The following MYLK variants were observed in gnomAD, a reference collection of about 807,000 sequenced individuals.
MYLK encodes the protein myosin light chain kinase, smooth muscle.
Under a neutral mutation model 203.4 loss-of-function variants are expected in MYLK, and 106 were observed. The ratio of observed to expected loss-of-function variants is 0.52; its 90% CI spans 0.45 to 0.61. The LOEUF is 0.61. Ranked by LOEUF, MYLK falls within the 20% of genes least tolerant of loss-of-function variation. The probability of loss-of-function intolerance (pLI) is 0.00; values close to 1 mark genes in which losing one functional copy is unlikely to be tolerated. For synonymous variants in MYLK, 867 were observed against 959.5 expected (o/e 0.90, Z 1.78); for missense variants, 2,072 against 2,442.3 (o/e 0.85, Z 3.20).
chr3:123,884,282 G>T lies in MYLK; in HGVS notation c.-262C>A, dbSNP rs1279810330. The T allele has an allele frequency of 6.8e-6, 1 of 148,026 alleles. No individual in the cohort carries two copies. Among genetic ancestry groups the T allele is most frequent in the Non-Finnish European group, 1.5e-5 (1 of 66,582 alleles). 9.2% of individuals were successfully genotyped at this position (148,026 alleles called of 1,614,324 possible). On this transcript the variant is annotated 5_prime_UTR_variant, in exon 1 of 34. Transcript: ENST00000360304. The stretch of plus-strand genomic sequence containing the variant: ...CCCCGGCCGCAGGCGCACAGCGCGG[G>T]CTCCGAGCTCGCTCAGCGCCCTGCT...
chr3:123,649,259 C>T, intron 24 of MYLK, 65 bp from the exon 25 acceptor site: 1 of 1,605,008 alleles, frequency 6.2e-7, no homozygotes, highest in Non-Finnish European at 8.5e-7. Context: ...CCACTGAGAG[C>T]AAGATGTGCT....
At chr3:123,705,736 C>T (rs1303434145) in intron 16 of MYLK, among the ~76,000 whole-genome samples, 1 of 152,144 alleles carries the variant, frequency 6.6e-6, no homozygotes, top group Non-Finnish European at 1.5e-5. Context: ...TCTGCCCCCA[C>T]CCCACCCTTT....
At position 123,752,415 on chromosome 3, in the gene MYLK, G is replaced by A. The variant is rs111422191; in HGVS notation, c.289C>T (p.His97Tyr). The A allele has an allele frequency of 1.2e-6, 2 of 1,614,180 alleles. No individual in the cohort carries two copies. Among genetic ancestry groups the A allele is most frequent in the Non-Finnish European group, 1.7e-6 (2 of 1,180,038 alleles). ...GTATACTTTCCCCTGTCCTCCTCAT[G>A]GACAGCATGAATCACAAGGCTGAAA... The part of the protein sequence containing the change: ...GTFSLVIHAV[H>Y]EEDRGKYTCE... Residue 97 changes from histidine (H) to tyrosine (Y), a missense_variant, in exon 5 of 34, where the codon CAT (histidine) becomes TAT (tyrosine). Coordinates refer to ENST00000360304, the MANE Select transcript of MYLK (RefSeq NM_053025.4).
intron 4 of MYLK, among the ~76,000 whole-genome samples, chr3:123,753,111 G>C (rs1280041022): frequency 6.6e-6 from 1 of 152,196 alleles, no homozygotes; most frequent in Middle Eastern, 3.2e-3. Flanking sequence ...ACTGGCCACA[G>C]GTAGCGATGG....
intron 13 of MYLK, among the ~76,000 whole-genome samples, chr3:123,712,929 A>G (rs1234977585): frequency 2.0e-5 from 3 of 152,266 alleles, no homozygotes; most frequent in African/African-American, 4.8e-5. Context: ...TGGGTTTATC[A>G]GCAGTCAAAG....
intron 16 of MYLK, among the ~76,000 whole-genome samples, chr3:123,704,578 T>C (rs1335035921): frequency 6.6e-6 from 1 of 152,098 alleles, no homozygotes; most frequent in East Asian, 1.9e-4. Flanking sequence ...ATCTACCTCT[T>C]GGATGGGTTC....
At chr3:123,639,612 G>C (rs545717786) in intron 28 of MYLK, among the ~76,000 whole-genome samples, 1 of 152,170 alleles carries the variant, frequency 6.6e-6, no homozygotes. Flanking sequence ...AGTGCTTTCA[G>C]GGCGGCCTTG....
chr3:123,827,400 T>C (rs1448277671), intron 3 of MYLK, among the ~76,000 whole-genome samples: 1 of 151,546 alleles, frequency 6.6e-6, no homozygotes, highest in Non-Finnish European at 1.5e-5. Flanking sequence ...TTTGAAAGCA[T>C]CAAGAGAAAA....
chr3:123,851,565 G>T (rs1364002222), intron 2 of MYLK, among the ~76,000 whole-genome samples: 1 of 152,180 alleles, frequency 6.6e-6, no homozygotes, highest in Non-Finnish European at 1.5e-5. Flanking sequence ...TGCTGTATAA[G>T]AATGCTTGTG....
intron 4 of MYLK, among the ~76,000 whole-genome samples, chr3:123,756,373 G>C (rs534570911): frequency 6.6e-6 from 1 of 152,174 alleles, no homozygotes; most frequent in African/African-American, 2.4e-5. Context: ...GACAGGATTG[G>C]TGCCTGCCAG....
Position 123,647,349 on chromosome 3 carries a change from A to G in MYLK, c.4494T>C (p.Tyr1498=). ...KVWAGKFFKA[Y]SAKEKENIRQ... ...GGATATTCTCTTTCTCTTTTGCTGA[A>G]TATGCCTTGAAGAACTTCCCTGCCC... Residue 1498 remains tyrosine (Y), a synonymous_variant, in exon 27 of 34, where the codon TAT becomes TAC. Transcript: ENST00000360304. The G allele has an allele frequency of 6.2e-7, 1 of 1,614,252 alleles. No individual in the cohort carries two copies. The highest frequency in any genetic ancestry group is 8.5e-7 in the Non-Finnish European group (1 of 1,180,042).
chr3:123,619,696 C>T (rs1026480907), intron 32 of MYLK, among the ~76,000 whole-genome samples: 2 of 152,136 alleles, frequency 1.3e-5, no homozygotes, highest in East Asian at 1.9e-4. Context: ...ACCTGCCAGT[C>T]CCAGTCTGCC....
chr3:123,712,077 C>T (rs1371418114), intron 13 of MYLK, among the ~76,000 whole-genome samples: 1 of 152,180 alleles, frequency 6.6e-6, no homozygotes, highest in East Asian at 1.9e-4. Context: ...GAGCAGGTAA[C>T]CCCCCACGGT....
intron 3 of MYLK, among the ~76,000 whole-genome samples, chr3:123,803,787 C>T (rs796741074): frequency 8.5e-5 from 13 of 152,318 alleles, no homozygotes; most frequent in African/African-American, 3.1e-4. Flanking sequence ...ACCTGTGAGA[C>T]AGCGGCACAG....
intron 4 of MYLK, among the ~76,000 whole-genome samples, chr3:123,771,896 A>G (rs2063897214): frequency 1.3e-5 from 2 of 152,326 alleles, no homozygotes; most frequent in South Asian, 4.1e-4. Flanking sequence ...GGGGTACTTG[A>G]AGTGTGGTTT....
chr3:123,732,549 AT>A (rs1376572125), intron 11 of MYLK, among the ~76,000 whole-genome samples: 3 of 152,166 alleles, frequency 2.0e-5, no homozygotes, highest in Non-Finnish European at 4.4e-5. Flanking sequence ...ATCATCTCAC[AT>A]TACTCTAAAC....
At position 123,722,427 on chromosome 3, in the gene MYLK, A is replaced by C. The variant is rs1469943464; in HGVS notation, c.1652-147T>G. ...TGAGGGCTAATGATGTACCATGCAC[A>C]TCTCCAGCCAGCTGGACAGAGGCTT... On this transcript the variant is annotated intron_variant, in intron 12 of 33. Coordinates refer to ENST00000360304, the MANE Select transcript of MYLK (RefSeq NM_053025.4). The C allele has an allele frequency of 9.6e-6, 10 of 1,040,114 alleles. No homozygotes were observed. The Admixed American group carries it at 1.4e-4, about 15-fold the overall frequency. 64.4% of individuals were successfully genotyped at this position (1,040,114 alleles called of 1,614,324 possible).
chr3:123,741,676 A>G (rs1300243399), intron 5 of MYLK, among the ~76,000 whole-genome samples: 1 of 152,240 alleles, frequency 6.6e-6, no homozygotes, highest in Non-Finnish European at 1.5e-5. Context: ...CGCTAAAGTT[A>G]GAAGAGAAAG....
intron 2 of MYLK, among the ~76,000 whole-genome samples, chr3:123,854,170 A>G (rs1450509931): frequency 3.3e-5 from 5 of 150,204 alleles, no homozygotes; most frequent in East Asian, 1.9e-4. Flanking sequence ...ATAGAGTCCA[A>G]TCAAGATCTG....
Sources: gnomAD v4.1 joint callset for allele counts (sites outside exome capture counted in the v4.1 genomes callset) on GRCh38, gnomAD v4.1.1 for gene constraint, MANE v1.5 for transcripts, NCBI Gene and HGNC (gene_info 2026-07-23, HGNC 2026-07-21) for gene names.